The following CNTNAP4 variants were observed in gnomAD, a reference collection of about 807,000 sequenced individuals.
CNTNAP4 encodes the protein contactin associated protein family member 4.
A neutral mutation model predicts 148.4 loss-of-function variants in CNTNAP4; 98 were observed. The ratio of observed to expected loss-of-function variants is 0.66; its 90% CI spans 0.56 to 0.78. The LOEUF is 0.78. Ranked by LOEUF, CNTNAP4 falls within the 30% of genes least tolerant of loss-of-function variation. The pLI is 0.00. For missense variants in CNTNAP4, 1,935 were observed against 1,565.6 expected (o/e 1.24, Z -3.98); for synonymous variants, 730 against 565.1 (o/e 1.29, Z -4.14).
chr16:76,323,824 C>T (rs547477721), intron 2 of CNTNAP4, among the ~76,000 whole-genome samples: 21 of 152,236 alleles, frequency 1.4e-4, no homozygotes, highest in Middle Eastern at 3.4e-3. Context: ...CGTGGGAATG[C>T]GCCAAGTAGC....
intron 3 of CNTNAP4, among the ~76,000 whole-genome samples, chr16:76,403,605 AAATT>A (rs2078496707): frequency 6.6e-6 from 1 of 152,198 alleles, no homozygotes; most frequent in Non-Finnish European, 1.5e-5. Context: ...GTAGGAGTCT[AAATT>A]AATTCAACCA....
intron 3 of CNTNAP4, among the ~76,000 whole-genome samples, chr16:76,392,649 T>G (rs1167425601): frequency 6.6e-6 from 1 of 152,234 alleles, no homozygotes; most frequent in Non-Finnish European, 1.5e-5. Context: ...AAGTACATAC[T>G]GTCATTCGGG....
intron 2 of CNTNAP4, among the ~76,000 whole-genome samples, chr16:76,340,485 C>G (rs1964375976): frequency 6.6e-6 from 1 of 152,146 alleles, no homozygotes; most frequent in South Asian, 2.1e-4. Context: ...AGAATGTTTT[C>G]AAACGACCAC....
intron 3 of CNTNAP4, among the ~76,000 whole-genome samples, chr16:76,375,494 TG>T (rs1326176685): frequency 6.6e-6 from 1 of 152,206 alleles, no homozygotes; most frequent in Non-Finnish European, 1.5e-5. Context: ...GGCTTTGCAC[TG>T]GGGTCTTTTG....
At chr16:76,412,368 T>G (rs2078829710) in intron 3 of CNTNAP4, among the ~76,000 whole-genome samples, 1 of 151,378 alleles carries the variant, frequency 6.6e-6, no homozygotes, top group Non-Finnish European at 1.5e-5. Context: ...ACATCATTCT[T>G]CAGAGTGGAA....
intron 4 of CNTNAP4, among the ~76,000 whole-genome samples, chr16:76,440,529 A>G (rs761741762): frequency 3.3e-5 from 5 of 152,262 alleles, no homozygotes; most frequent in African/African-American, 4.8e-5. Context: ...CCATGGTACA[A>G]TTCATTTCCA....
chr16:76,490,941 G>A (rs1333160500), intron 13 of CNTNAP4, among the ~76,000 whole-genome samples: 1 of 152,126 alleles, frequency 6.6e-6, no homozygotes, highest in Non-Finnish European at 1.5e-5. Flanking sequence ...GAGTTTCAGA[G>A]AGAATGACAA....
chr16:76,486,715 C>G (rs2082042792), intron 12 of CNTNAP4, among the ~76,000 whole-genome samples: 1 of 152,206 alleles, frequency 6.6e-6, no homozygotes, highest in African/African-American at 2.4e-5. Context: ...TGTACCTTCT[C>G]TCCTCTAAAG....
chr16:76,297,843 T>C (rs1959474356), intron 1 of CNTNAP4, among the ~76,000 whole-genome samples: 1 of 152,186 alleles, frequency 6.6e-6, no homozygotes, highest in South Asian at 2.1e-4. Context: ...AAACTTTTAT[T>C]TTTTCATTTT....
intron 17 of CNTNAP4, among the ~76,000 whole-genome samples, chr16:76,534,175 C>T (rs2084113751): frequency 6.6e-6 from 1 of 152,142 alleles, no homozygotes; most frequent in African/African-American, 2.4e-5. Context: ...GCCCATTTCT[C>T]CCATTTCTAT....
chr16:76,369,481 C>T (rs534085532), intron 3 of CNTNAP4, among the ~76,000 whole-genome samples: 1 of 152,276 alleles, frequency 6.6e-6, no homozygotes, highest in South Asian at 2.1e-4. Context: ...CTAATTTAGT[C>T]TAAGTCTGAA....
Position 76,452,527 on chromosome 16 carries a change from G to A in CNTNAP4, c.1091G>A (p.Cys364Tyr). The A allele has an allele frequency of 6.2e-7, 1 of 1,613,884 alleles. No homozygotes were observed. Among genetic ancestry groups the A allele is most frequent in the South Asian group, 1.1e-5 (1 of 91,080 alleles). Residue 364 changes from cysteine to tyrosine, a missense_variant, in exon 8 of 24, where the codon TGT becomes TAT. Cys to Tyr is a radical substitution (Grantham distance 194). Coordinates refer to ENST00000611870, the MANE Select transcript of CNTNAP4 (RefSeq NM_033401.5). Reference protein sequence around the residue: ...IIAMGNVSFSCSQPQSMPVTF... With the variant: ...IIAMGNVSFSYSQPQSMPVTF... ...TCTCAGGGAAATGTGTCATTTTCTT[G>A]TTCACAACCACAATCTATGCCCGTG...
intron 1 of CNTNAP4, among the ~76,000 whole-genome samples, chr16:76,297,012 G>A (rs1031637756): frequency 6.6e-6 from 1 of 152,124 alleles, no homozygotes; most frequent in Non-Finnish European, 1.5e-5. Context: ...AACCCAGAAG[G>A]TTTTCACTCA....
At chr16:76,434,574 T>C (rs1427638689) in intron 4 of CNTNAP4, among the ~76,000 whole-genome samples, 2 of 152,196 alleles carry the variant, frequency 1.3e-5, no homozygotes, top group African/African-American at 4.8e-5. Flanking sequence ...GAGAGTTGAA[T>C]GGGGATGTGG....
At chr16:76,301,217 T>C (rs950997093) in intron 1 of CNTNAP4, among the ~76,000 whole-genome samples, 4 of 152,186 alleles carry the variant, frequency 2.6e-5, no homozygotes, top group Non-Finnish European at 4.4e-5. Context: ...GATCAATTTT[T>C]AAGCAGCTGT....
chr16:76,528,146 T>A (rs2083820234), intron 17 of CNTNAP4, among the ~76,000 whole-genome samples: 1 of 152,242 alleles, frequency 6.6e-6, no homozygotes, highest in Admixed American at 6.5e-5. Context: ...ACACTTTACC[T>A]GCAAATAAAA....
At chr16:76,346,891 C>G (rs1597270095) in intron 2 of CNTNAP4, among the ~76,000 whole-genome samples, 2 of 152,126 alleles carry the variant, frequency 1.3e-5, no homozygotes, top group Admixed American at 1.3e-4. Flanking sequence ...AATGTCCAGT[C>G]TGGCAATACA....
chr16:76,360,208 GAC>G (rs933892913), intron 3 of CNTNAP4, among the ~76,000 whole-genome samples: 2 of 152,138 alleles, frequency 1.3e-5, no homozygotes, highest in Non-Finnish European at 2.9e-5. Context: ...GCTGGTGAAA[GAC>G]ACAGAGACCC....
At chr16:76,497,175 A>G (rs2082426918) in intron 14 of CNTNAP4, among the ~76,000 whole-genome samples, 1 of 152,216 alleles carries the variant, frequency 6.6e-6, no homozygotes, top group Non-Finnish European at 1.5e-5. Context: ...TAATTAAAAA[A>G]TTAAATTCAC....
Sources: allele counts gnomAD v4.1 joint callset (sites outside exome capture counted in the v4.1 genomes callset), GRCh38; gene constraint gnomAD v4.1.1; transcripts MANE v1.5; gene names NCBI Gene and HGNC (gene_info 2026-07-23, HGNC 2026-07-21).